Variants in GXYLT2 observed in about 807,000 individuals in gnomAD.
GXYLT2 encodes the protein glycosyltransferase 8 domain containing 4.
GXYLT2 carries 53 observed loss-of-function variants against 45.8 expected under a neutral mutation model. The observed-to-expected ratio is 1.16, with a 90% CI of 0.93 to 1.46. GXYLT2 has a LOEUF of 1.46. Among genes scored for constraint, GXYLT2 ranks in the 40% most tolerant of loss-of-function variants. GXYLT2 has a pLI of 0.00. For synonymous variants in GXYLT2, 219 were observed against 214.2 expected (o/e 1.02, Z -0.19); for missense variants, 551 against 544.4 (o/e 1.01, Z -0.12).
At chr3:72,905,442 T>A (rs1709493159) in intron 1 of GXYLT2, among the ~76,000 whole-genome samples, 1 of 152,316 alleles carries the variant, frequency 6.6e-6, no homozygotes, top group Middle Eastern at 3.4e-3. Context: ...GGCCTTACGT[T>A]GGTACATGCC....
At chr3:72,942,515 A>T (rs1346009258) in intron 3 of GXYLT2, among the ~76,000 whole-genome samples, 1 of 152,214 alleles carries the variant, frequency 6.6e-6, no homozygotes, top group African/African-American at 2.4e-5. Context: ...TATTTAGTAA[A>T]GAAAAAGGGG....
intron 6 of GXYLT2, among the ~76,000 whole-genome samples, chr3:72,971,405 A>C (rs1710983369): frequency 6.6e-6 from 1 of 152,194 alleles, no homozygotes; most frequent in South Asian, 2.1e-4. Context: ...ATTCTCTACA[A>C]TGCTGTGAAC....
At chr3:72,971,387 A>G (rs1710983098) in intron 6 of GXYLT2, among the ~76,000 whole-genome samples, 2 of 152,168 alleles carry the variant, frequency 1.3e-5, no homozygotes, top group Admixed American at 1.3e-4. Context: ...TAAAAGATGT[A>G]TTTCCCCATT....
chr3:72,924,391 G>C (rs1400674224), intron 3 of GXYLT2, among the ~76,000 whole-genome samples: 4 of 151,814 alleles, frequency 2.6e-5, no homozygotes, highest in Non-Finnish European at 5.9e-5. Context: ...ATGATGTCTT[G>C]CTATGTTGCC....
chr3:72,953,195 T>TG (rs1183680402), intron 3 of GXYLT2, among the ~76,000 whole-genome samples: 1 of 152,054 alleles, frequency 6.6e-6, no homozygotes, highest in Non-Finnish European at 1.5e-5. Flanking sequence ...AAAAGAAGGA[T>TG]GTTTTGTGAC....
intron 3 of GXYLT2, among the ~76,000 whole-genome samples, chr3:72,930,481 A>G (rs1710007412): frequency 6.9e-6 from 1 of 144,194 alleles, no homozygotes; most frequent in Admixed American, 7.2e-5. Flanking sequence ...CAGCCTGGGT[A>G]ACAGGAGTGA....
chr3:72,901,777 T>C (rs1403227406), intron 1 of GXYLT2, among the ~76,000 whole-genome samples: 1 of 151,816 alleles, frequency 6.6e-6, no homozygotes, highest in Admixed American at 6.6e-5. Flanking sequence ...GTCAGGCTGG[T>C]CTCAAACTAC....
At chr3:72,965,364 T>C (rs923216327) in intron 5 of GXYLT2, among the ~76,000 whole-genome samples, 4 of 152,212 alleles carry the variant, frequency 2.6e-5, no homozygotes, top group African/African-American at 7.2e-5. Flanking sequence ...GAGACAGGAA[T>C]GCCATCAACC....
chr3:72,924,790 G>A (rs1575792704), intron 3 of GXYLT2, among the ~76,000 whole-genome samples: 1 of 152,106 alleles, frequency 6.6e-6, no homozygotes, highest in East Asian at 1.9e-4. Context: ...CTGAACAACT[G>A]TTAAGGTTGA....
At chr3:72,901,532 A>G (rs1391883688) in intron 1 of GXYLT2, among the ~76,000 whole-genome samples, 3 of 144,706 alleles carry the variant, frequency 2.1e-5, no homozygotes, top group South Asian at 2.2e-4. Context: ...CATCATCACC[A>G]TAGAATTTCA....
intron 3 of GXYLT2, among the ~76,000 whole-genome samples, chr3:72,937,828 GTGT>G (rs1352724246): frequency 6.6e-6 from 1 of 152,174 alleles, no homozygotes; most frequent in African/African-American, 2.4e-5. Context: ...GTTTAGTGAG[GTGT>G]TTGTATTTAT....
At chr3:72,939,926 C>G (rs1195380134) in intron 3 of GXYLT2, among the ~76,000 whole-genome samples, 1 of 152,206 alleles carries the variant, frequency 6.6e-6, no homozygotes, top group Non-Finnish European at 1.5e-5. Flanking sequence ...AAGCAATCCA[C>G]TCCGCCTGCC....
In GXYLT2 at chr3:72,976,374, T is replaced by C. The variant is rs1711103459; in HGVS notation, c.*1215T>C. On this transcript the variant is annotated 3_prime_UTR_variant, in exon 7 of 7. Transcript: ENST00000389617. Reference sequence around the variant, plus strand: ...CAGACAAAAACATTTGATCTGTTAATCATCAGTAGCTGTGGTCATCTCTCT... The same window carrying C: ...CAGACAAAAACATTTGATCTGTTAACCATCAGTAGCTGTGGTCATCTCTCT... 1 of 152,248 alleles carries C rather than the reference T, an allele frequency of 6.6e-6. No homozygotes were observed. Among genetic ancestry groups the C allele is most frequent in the Non-Finnish European group, 1.5e-5 (1 of 68,042 alleles). 9.4% of individuals were successfully genotyped at this position (152,248 alleles called of 1,614,324 possible). A position where few individuals can be genotyped will look rare whatever the true frequency, so the allele number is the denominator to read the frequency against.
At position 72,888,288 on chromosome 3, in the gene GXYLT2, C is replaced by T. The variant is rs1709104495; in HGVS notation, c.55C>T (p.Leu19=). The T allele has an allele frequency of 1.8e-5, 18 of 993,542 alleles. No homozygotes were observed. The highest frequency in any genetic ancestry group is 2.0e-5 in the Non-Finnish European group (17 of 837,736). The allele number at this position is 993,542 out of a possible 1,614,324, so 61.5% of individuals were successfully genotyped here. ...GCTCTTGCTCGCGCTGGCCGCGCTGCTGCTGGCGCTGCTGTCCCTGCGCGC... is the reference window on the plus strand; with the variant it reads ...GCTCTTGCTCGCGCTGGCCGCGCTGTTGCTGGCGCTGCTGTCCCTGCGCGC... The part of the protein sequence containing the change: ...ALLLLALAAL[L]LALLSLRAGR... Residue 19 remains leucine (L), a synonymous_variant, in exon 1 of 7, where the codon CTG becomes TTG. Transcript: ENST00000389617.
intron 1 of GXYLT2, among the ~76,000 whole-genome samples, chr3:72,896,807 G>A (rs1335412149): frequency 2.0e-5 from 3 of 151,676 alleles, no homozygotes; most frequent in African/African-American, 4.8e-5. Flanking sequence ...CCGAGATAGC[G>A]CCACTGCACT....
intron 3 of GXYLT2, among the ~76,000 whole-genome samples, chr3:72,946,065 T>C (rs1710395774): frequency 6.6e-6 from 1 of 151,844 alleles, no homozygotes; most frequent in African/African-American, 2.4e-5. Flanking sequence ...TTGCTTGAGC[T>C]CAGGAGTTTG....
At chr3:72,962,577 T>C (rs1183122435) in intron 5 of GXYLT2, among the ~76,000 whole-genome samples, 1 of 152,160 alleles carries the variant, frequency 6.6e-6, no homozygotes, top group Non-Finnish European at 1.5e-5. Flanking sequence ...GAGGTATAAG[T>C]TGCATTTCAT....
Position 72,955,117 on chromosome 3 carries a change from A to G in GXYLT2, c.620A>G (p.Asp207Gly), listed in dbSNP as rs778938847. 3 of 1,613,928 alleles carry G rather than the reference A, an allele frequency of 1.9e-6. No homozygotes were observed. The highest frequency in any genetic ancestry group is 2.5e-6 in the Non-Finnish European group (3 of 1,179,868). ...LFLPVILKDV[D>G]SLLYVDTDVL... is the part of the protein sequence containing the mutation. ...ACAAAGGTGATTTTAAAGGATGTGG[A>G]CTCACTTCTCTACGTGGACACCGAT... Residue 207 changes from aspartate to glycine, a missense_variant, in exon 4 of 7, where the codon GAC (aspartate) becomes GGC (glycine). Transcript: ENST00000389617.
chr3:72,968,902 CA>C (rs199918996), intron 6 of GXYLT2, among the ~76,000 whole-genome samples: 3,521 of 150,474 alleles, frequency 0.023, 144 homozygotes, highest in African/African-American at 0.081. Flanking sequence ...CTAAAAAATA[CA>C]AAAAAAAAAT....
Sources: gnomAD v4.1 joint callset for allele counts (sites outside exome capture counted in the v4.1 genomes callset) on GRCh38, gnomAD v4.1.1 for gene constraint, MANE v1.5 for transcripts, NCBI Gene and HGNC (gene_info 2026-07-23, HGNC 2026-07-21) for gene names.